Variants in GRIP1 observed in about 807,000 individuals in gnomAD.
GRIP1 encodes glutamate receptor interacting protein 1.
In GRIP1, 45 loss-of-function variants were observed where a neutral mutation model predicts 129.9. The observed-to-expected ratio is 0.35, with a 90% CI of 0.27 to 0.44. The LOEUF is 0.44. Among genes scored for constraint, GRIP1 ranks in the 20% least tolerant of loss-of-function variants. The pLI, the probability that GRIP1 is intolerant of heterozygous loss-of-function variation, is 1.00. For synonymous variants in GRIP1, 530 were observed against 520.8 expected (o/e 1.02, Z -0.24); for missense variants, 1,196 against 1,396.8 (o/e 0.86, Z 2.29).
At position 66,541,863 on chromosome 12, in the gene GRIP1, T is replaced by A. The variant is rs914469609; in HGVS notation, c.224A>T (p.Asp75Val). Residue 75 changes from aspartate to valine, a missense_variant, in exon 3 of 25, where the codon GAT becomes GTT. Coordinates refer to ENST00000359742, the MANE Select transcript of GRIP1 (RefSeq NM_001366722.1). Reference protein sequence around the residue: ...GLTVSGGIDKDGKPRVSNLRQ... With the variant: ...GLTVSGGIDKVGKPRVSNLRQ... ...CAGATTAGATACTCTTGGCTTGCCATCCTTATCAATTCCTCCCGATACCGT... is the reference window on the plus strand; with the variant it reads ...CAGATTAGATACTCTTGGCTTGCCAACCTTATCAATTCCTCCCGATACCGT... The A allele has an allele frequency of 5.0e-6, 8 of 1,613,992 alleles. No individual in the cohort carries two copies. The highest frequency in any genetic ancestry group is 2.2e-5 in the East Asian group (1 of 44,900).
At chr12:66,869,329 G>A (rs1055701075) in intron 1 of GRIP1, among the ~76,000 whole-genome samples, 1 of 152,026 alleles carries the variant, frequency 6.6e-6, no homozygotes, top group African/African-American at 2.4e-5. Context: ...GAATTCAAGA[G>A]GCTAAAATCA....
At chr12:66,995,126 A>G (rs1013396264) in intron 1 of GRIP1, among the ~76,000 whole-genome samples, 5 of 152,012 alleles carry the variant, frequency 3.3e-5, no homozygotes, top group Non-Finnish European at 7.4e-5. Context: ...GTTCTAGTAC[A>G]ACTGGATATT....
At chr12:66,821,900 A>T (rs1328529314) in intron 1 of GRIP1, among the ~76,000 whole-genome samples, 2 of 152,174 alleles carry the variant, frequency 1.3e-5, no homozygotes, top group Admixed American at 6.5e-5. Flanking sequence ...TGAGTGTCAC[A>T]TCCTTGGCCG....
intron 1 of GRIP1, among the ~76,000 whole-genome samples, chr12:66,720,125 G>A (rs1010030961): frequency 5.3e-5 from 8 of 152,056 alleles, no homozygotes; most frequent in Admixed American, 5.2e-4. Flanking sequence ...TGCGGATTTG[G>A]CTCTAGATCC....
At chr12:66,500,571 A>C (rs1400872550) in intron 7 of GRIP1, among the ~76,000 whole-genome samples, 1 of 152,224 alleles carries the variant, frequency 6.6e-6, no homozygotes, top group Non-Finnish European at 1.5e-5. Flanking sequence ...TTAGAGACAG[A>C]AAAGGTAAAG....
At chr12:66,874,304 C>A (rs1050761816) in intron 1 of GRIP1, among the ~76,000 whole-genome samples, 4 of 152,048 alleles carry the variant, frequency 2.6e-5, no homozygotes, top group South Asian at 2.1e-4. Flanking sequence ...CAACAAGTGT[C>A]TGTTGACGAC....
chr12:66,935,056 A>T (rs760496608), intron 1 of GRIP1, among the ~76,000 whole-genome samples: 3 of 152,158 alleles, frequency 2.0e-5, no homozygotes, highest in Non-Finnish European at 2.9e-5. Flanking sequence ...CATTTCATTT[A>T]TTGTTCTCTT....
At chr12:66,458,930 T>C (rs2059051742) in intron 9 of GRIP1, among the ~76,000 whole-genome samples, 1 of 152,248 alleles carries the variant, frequency 6.6e-6, no homozygotes, top group Non-Finnish European at 1.5e-5. Context: ...TCAGAGAAGT[T>C]GTTGCTGATC....
At chr12:66,889,114 G>T (rs1383601806) in intron 1 of GRIP1, among the ~76,000 whole-genome samples, 2 of 152,300 alleles carry the variant, frequency 1.3e-5, no homozygotes, top group South Asian at 2.1e-4. Flanking sequence ...TTTCTCTATT[G>T]TAAGTCTAGT....
At chr12:66,440,997 G>A (rs1190626687) in intron 13 of GRIP1, among the ~76,000 whole-genome samples, 3 of 152,206 alleles carry the variant, frequency 2.0e-5, no homozygotes, top group Non-Finnish European at 4.4e-5. Context: ...GCATTTTTCC[G>A]GCCAAACTCT....
intron 1 of GRIP1, among the ~76,000 whole-genome samples, chr12:66,797,876 A>G (rs1452183297): frequency 1.3e-5 from 2 of 152,158 alleles, no homozygotes; most frequent in Non-Finnish European, 2.9e-5. Context: ...TTGAATTTGC[A>G]AACTCTCACA....
At chr12:66,955,474 A>G (rs2041825117) in intron 1 of GRIP1, among the ~76,000 whole-genome samples, 2 of 150,870 alleles carry the variant, frequency 1.3e-5, no homozygotes, top group Non-Finnish European at 2.9e-5. Flanking sequence ...TATAAACAAA[A>G]TATATATTAT....
chr12:66,776,849 A>G (rs2037996460), intron 1 of GRIP1, among the ~76,000 whole-genome samples: 1 of 152,244 alleles, frequency 6.6e-6, no homozygotes, highest in Non-Finnish European at 1.5e-5. Flanking sequence ...TGTGGATCAC[A>G]TACATTTGTA....
At chr12:66,476,086 T>G (rs549067996) in intron 7 of GRIP1, among the ~76,000 whole-genome samples, 1 of 152,236 alleles carries the variant, frequency 6.6e-6, no homozygotes, top group Non-Finnish European at 1.5e-5. Flanking sequence ...AGGATCTGGT[T>G]TTTTGAAAAG....
intron 11 of GRIP1, among the ~76,000 whole-genome samples, chr12:66,445,716 C>A (rs1393181312): frequency 6.6e-6 from 1 of 152,180 alleles, no homozygotes; most frequent in East Asian, 1.9e-4. Context: ...TGTATCCCTG[C>A]ACCCTGGCTC....
chr12:66,510,954 A>G (rs2060679718), intron 7 of GRIP1, among the ~76,000 whole-genome samples: 1 of 152,180 alleles, frequency 6.6e-6, no homozygotes, highest in South Asian at 2.1e-4. Context: ...ATGAGATACT[A>G]CCACATGCTG....
At chr12:66,988,449 G>A (rs11837271) in intron 1 of GRIP1, among the ~76,000 whole-genome samples, 62,430 of 151,532 alleles carry the variant, frequency 0.41, 13,743 homozygotes, top group Non-Finnish European at 0.48. Flanking sequence ...GCACAATCTC[G>A]GCTCACTGCA....
rs869246454 is a variant in GRIP1, at chr12:66,360,191, TTC to T, written c.3013-6630_3013-6629del. Among the ~76,000 whole-genome samples, 356 of 121,426 alleles carry T rather than the reference TTC, an allele frequency of 2.9e-3. 1 individual carries two copies. Among genetic ancestry groups the T allele is most frequent in the African/African-American group, 8.2e-3 (269 of 32,716 alleles). 79.7% of individuals were successfully genotyped at this position (121,426 alleles called of 152,430 possible). ...CCACCAAATCATGATTTTTTTTTTT[TTC>T]GACATGTAATCTCCTAGCTGGTCAG... On this transcript the variant is annotated intron_variant, in intron 23 of 24. Transcript: ENST00000359742.
chr12:66,941,014 C>G (rs988390729), intron 1 of GRIP1, among the ~76,000 whole-genome samples: 1 of 151,964 alleles, frequency 6.6e-6, no homozygotes, highest in Admixed American at 6.6e-5. Context: ...CTAAAGAAAA[C>G]AATATGCATT....
Sources: gnomAD v4.1 joint callset for allele counts (sites outside exome capture counted in the v4.1 genomes callset) on GRCh38, gnomAD v4.1.1 for gene constraint, MANE v1.5 for transcripts, NCBI Gene and HGNC (gene_info 2026-07-23, HGNC 2026-07-21) for gene names.